Variants in FAM237A observed in about 807,000 individuals in gnomAD.
FAM237A encodes protein FAM237A.
A neutral mutation model predicts 12.5 loss-of-function variants in FAM237A; 14 were observed. That is an observed-to-expected ratio of 1.12 (90% CI 0.74 to 1.75). The LOEUF is 1.75. FAM237A is among the 40% of genes most tolerant of loss of function. The pLI, the probability that FAM237A is intolerant of heterozygous loss-of-function variation, is 0.00. For synonymous variants in FAM237A, 85 were observed against 77.5 expected, an observed-to-expected ratio of 1.10 and a Z score of -0.51; for missense variants, 240 against 211.7, an observed-to-expected ratio of 1.13 and a Z score of -0.83.
intron 2 of FAM237A, among the ~76,000 whole-genome samples, chr2:206,646,167 G>T (rs547737815): frequency 6.6e-6 from 1 of 152,064 alleles, no homozygotes; most frequent in African/African-American, 2.4e-5. Context: ...GCCGGATGTG[G>T]TGGCGGGCAC....
rs374116109 is a variant in FAM237A, at chr2:206,648,622, A to G, written c.413-39A>G. 9.5e-5 allele frequency: 148 copies of G among 1,553,252 alleles called. No homozygotes were observed. In the African/African-American group the frequency reaches 1.8e-3, roughly 19 times the overall value. The stretch of plus-strand genomic sequence containing the variant: ...TTGATATTTAATTAACCTGAAACTA[A>G]TTTGGTGATCTTATGAAGTTCCGCT... On this transcript the variant is annotated intron_variant, in intron 2 of 2. Transcript: ENST00000441223.
chr2:206,644,653 T>A lies in FAM237A; in HGVS notation c.412+5T>A, dbSNP rs1239206073. On this transcript the variant is annotated splice_donor_5th_base_variant and intron_variant, in intron 2 of 2. Coordinates refer to ENST00000441223, the MANE Select transcript of FAM237A (RefSeq NM_001102659.3). ...AGCACACAAGGAGTAAACAAGGTGG[T>A]CAACCCCAGCTCCCATGTCTTTTGA... The A allele has an allele frequency of 6.4e-7, 1 of 1,550,514 alleles. No homozygotes were observed. The highest frequency in any genetic ancestry group is 1.3e-5 in the South Asian group (1 of 78,286).
chr2:206,646,853 G>A (rs146107427), intron 2 of FAM237A, among the ~76,000 whole-genome samples: 4 of 152,142 alleles, frequency 2.6e-5, no homozygotes, highest in African/African-American at 7.2e-5. Flanking sequence ...TTTGTCCCTC[G>A]GGGATAATAT....
chr2:206,646,586 G>T lies in FAM237A; in HGVS notation c.412+1938G>T, dbSNP rs1574580903. On this transcript the variant is annotated intron_variant, in intron 2 of 2. Coordinates refer to ENST00000441223, the MANE Select transcript of FAM237A (RefSeq NM_001102659.3). ...GAGTTGGTATGCAAGTAGCCAAATA[G>T]CAGGAGTGAGTGTTTCACTTTATTG... Among the ~76,000 whole-genome samples the T allele has an allele frequency of 2.0e-5, 3 of 152,262 alleles. No individual in the cohort carries two copies. The East Asian group carries it at 5.8e-4, about 29-fold the overall frequency.
rs763119140 is a variant in FAM237A at position 206,648,698 on chromosome 2, G to A, written c.450G>A (p.Lys150=). The stretch of plus-strand genomic sequence containing the variant: ...AGCTCCTAAGGACCTCCTTCCTAAA[G>A]AAGAAAGAGTTGATTGAAGATTTGA... The part of the protein sequence containing the change: ...YSQLLRTSFL[K]KKELIEDLIS... The change falls in exon 3 of 3, where the codon AAG becomes AAA. Residue 150 remains lysine (K), a synonymous_variant. Coordinates refer to ENST00000441223, the MANE Select transcript of FAM237A (RefSeq NM_001102659.3). The A allele has an allele frequency of 6.9e-6, 11 of 1,593,082 alleles. No individual in the cohort carries two copies. The highest frequency in any genetic ancestry group is 4.0e-5 in the African/African-American group (3 of 74,520).
At position 206,648,734 on chromosome 2, in the gene FAM237A, T is replaced by C; in HGVS notation, c.486T>C (p.His162=). 1 of 1,574,930 alleles carries C rather than the reference T, an allele frequency of 6.3e-7. No individual in the cohort carries two copies. The highest frequency in any genetic ancestry group is 8.6e-7 in the Non-Finnish European group (1 of 1,158,272). ...KELIEDLISM[H]VRRSGSSVIG... ...TGATTGAAGATTTGATAAGCATGCA[T>C]GTGCGTAGGAGTGGGTCTAGTGTCA... Residue 162 remains histidine, a synonymous_variant, in exon 3 of 3, where the codon CAT becomes CAC. Coordinates refer to ENST00000441223, the MANE Select transcript of FAM237A (RefSeq NM_001102659.3).
In FAM237A at chr2:206,648,871, A is replaced by T. The variant is rs1431127109; in HGVS notation, c.*77A>T. The T allele has an allele frequency of 8.7e-7, 1 of 1,154,936 alleles. No individual in the cohort carries two copies. The allele number at this position is 1,154,936 out of a possible 1,614,324, so 71.5% of individuals were successfully genotyped here. On this transcript the variant is annotated 3_prime_UTR_variant, in exon 3 of 3. Transcript: ENST00000441223. ...CATTTTTCTTAACTATTGATTATTT[A>T]TTTATTTTAAATGGTGGGAATGCCC...
intron 2 of FAM237A, 87 bp downstream of exon 2, chr2:206,644,735 G>A (rs1699296423): frequency 7.7e-7 from 1 of 1,294,518 alleles, no homozygotes; most frequent in Non-Finnish European, 1.0e-6. Flanking sequence ...ATGGCATTAG[G>A]GGAATCCAGT....
chr2:206,646,694 A>G (rs1309198622), intron 2 of FAM237A, among the ~76,000 whole-genome samples: 6 of 152,248 alleles, frequency 3.9e-5, no homozygotes, highest in Non-Finnish European at 7.3e-5. Flanking sequence ...ACCACAGTCA[A>G]AGAGGGTCTT....
In FAM237A at chr2:206,644,346, C is replaced by G. The variant is rs1281041961; in HGVS notation, c.110C>G (p.Thr37Arg). ...TCTCCTTTCTTCTGCCATAGCCAGA[C>G]AGACTTGCTGGCTCTTAGCCAAGCT... ...CVSPFFCHSQ[T>R]DLLALSQADP... The change falls in exon 2 of 3, where the codon ACA (threonine) becomes AGA (arginine). Residue 37 changes from threonine to arginine, a missense_variant. By Grantham distance (71) the Thr-to-Arg change is moderately conservative. Coordinates refer to ENST00000441223, the MANE Select transcript of FAM237A (RefSeq NM_001102659.3). 3 of 1,613,520 alleles carry G rather than the reference C, an allele frequency of 1.9e-6. No homozygotes were observed. The highest frequency in any genetic ancestry group is 1.7e-5 in the Admixed American group (1 of 59,948).
chr2:206,645,328 C>T (rs966588347), intron 2 of FAM237A, among the ~76,000 whole-genome samples: 4 of 152,102 alleles, frequency 2.6e-5, no homozygotes, highest in Admixed American at 2.0e-4. Flanking sequence ...CAAATAGTCT[C>T]GTCTGAGGGT....
chr2:206,647,852 C>T (rs1211083551), intron 2 of FAM237A, among the ~76,000 whole-genome samples: 2 of 152,070 alleles, frequency 1.3e-5, no homozygotes, highest in Non-Finnish European at 2.9e-5. Flanking sequence ...CTGGGAGGGA[C>T]AAAAAGCCTG....
chr2:206,643,354 C>A (rs1185807631), intron 1 of FAM237A: 1 of 151,776 alleles, frequency 6.6e-6, no homozygotes, highest in Non-Finnish European at 1.5e-5. Context: ...CTTTTTCTGG[C>A]AAAAAAAGTG....
intron 1 of FAM237A, among the ~76,000 whole-genome samples, chr2:206,643,817 TA>T (rs1296603314): frequency 5.3e-5 from 8 of 152,278 alleles, no homozygotes; most frequent in Admixed American, 4.6e-4. Context: ...AATTCTTAAT[TA>T]TATATAAGTC....
intron 2 of FAM237A, 113 bp downstream of exon 2, chr2:206,644,761 C>T (rs1015187446): frequency 9.4e-7 from 1 of 1,068,292 alleles, no homozygotes; most frequent in Non-Finnish European, 1.3e-6. Context: ...ATATATTCCT[C>T]TCAAGAGGTG....
In FAM237A at chr2:206,648,645, G is replaced by A. The variant is rs756438886; in HGVS notation, c.413-16G>A. The A allele has an allele frequency of 1.6e-5, 25 of 1,574,674 alleles. No individual in the cohort carries two copies. Among genetic ancestry groups the A allele is most frequent in the Non-Finnish European group, 1.5e-5 (17 of 1,162,560 alleles). ...TAATTTGGTGATCTTATGAAGTTCC[G>A]CTTTTCTACTTTCAGGTACATATTC... On this transcript the variant is annotated splice_polypyrimidine_tract_variant and intron_variant, in intron 2 of 2. Transcript: ENST00000441223.
chr2:206,645,342 G>GA (rs1286994980), intron 2 of FAM237A, among the ~76,000 whole-genome samples: 1 of 152,100 alleles, frequency 6.6e-6, no homozygotes, highest in Non-Finnish European at 1.5e-5. Context: ...TGAGGGTACA[G>GA]AAAAAAAGTC....
At position 206,648,747 on chromosome 2, in the gene FAM237A, G is replaced by A; in HGVS notation, c.499G>A (p.Gly167Arg). 1 of 1,561,656 alleles carries A rather than the reference G, an allele frequency of 6.4e-7. No homozygotes were observed. The highest frequency in any genetic ancestry group is 8.7e-7 in the Non-Finnish European group (1 of 1,151,742). Residue 167 changes from glycine (G) to arginine (R), a missense_variant, in exon 3 of 3, where the codon GGG becomes AGG. By Grantham distance (125) the Gly-to-Arg change is moderately radical. Transcript: ENST00000441223. The part of the protein sequence containing the change: ...DLISMHVRRS[G>R]SSVIGKVNLE... Reference sequence around the variant, plus strand: ...GATAAGCATGCATGTGCGTAGGAGTGGGTCTAGTGTCATTGGAAAAGTGAA... The same window carrying A: ...GATAAGCATGCATGTGCGTAGGAGTAGGTCTAGTGTCATTGGAAAAGTGAA...
intron 1 of FAM237A, among the ~76,000 whole-genome samples, chr2:206,643,741 A>G (rs1367316071): frequency 6.6e-6 from 1 of 152,178 alleles, no homozygotes; most frequent in Non-Finnish European, 1.5e-5. Flanking sequence ...GACAATTCTG[A>G]TGTATTTTTT....
Sources: gnomAD v4.1 joint callset for allele counts (sites outside exome capture counted in the v4.1 genomes callset) on GRCh38, gnomAD v4.1.1 for gene constraint, MANE v1.5 for transcripts, NCBI Gene and HGNC (gene_info 2026-07-23, HGNC 2026-07-21) for gene names.